Variants in ATP11A observed in about 807,000 individuals in gnomAD.
The protein encoded by ATP11A is phospholipid-transporting ATPase IH.
In ATP11A, 81 loss-of-function variants were observed where a neutral mutation model predicts 154.4. The ratio of observed to expected loss-of-function variants is 0.52; its 90% CI spans 0.44 to 0.63. The LOEUF (loss-of-function observed/expected upper bound fraction) is 0.63, where lower values mean the gene tolerates loss of function less well. Among genes scored for constraint, ATP11A ranks in the 30% least tolerant of loss-of-function variants. ATP11A has a pLI of 0.00. For synonymous variants in ATP11A, 623 were observed against 585.9 expected, an observed-to-expected ratio of 1.06 and a Z score of -0.91; for missense variants, 1,316 against 1,474.3, an observed-to-expected ratio of 0.89 and a Z score of 1.76.
chr13:112,758,187 A>G (rs2076885426), intron 1 of ATP11A, among the ~76,000 whole-genome samples: 1 of 151,728 alleles, frequency 6.6e-6, no homozygotes. Context: ...TCAACCTCCC[A>G]ACTAGCTGGG....
intron 29 of ATP11A, 52 bp from the exon 30 acceptor site, chr13:112,881,824 C>T (rs140702919): frequency 5.9e-6 from 8 of 1,367,432 alleles, no homozygotes; most frequent in East Asian, 4.5e-5. Context: ...AGAATGGGTG[C>T]GCACAGCCTC....
intron 19 of ATP11A, among the ~76,000 whole-genome samples, chr13:112,855,299 T>A (rs1312750890): frequency 1.3e-5 from 2 of 152,176 alleles, no homozygotes; most frequent in Non-Finnish European, 2.9e-5. Context: ...CCTCCCAGGT[T>A]CAAACAATTC....
At chr13:112,821,746 TCTTC>T (rs1468284477) in intron 8 of ATP11A, among the ~76,000 whole-genome samples, 1 of 152,270 alleles carries the variant, frequency 6.6e-6, no homozygotes, top group Admixed American at 6.5e-5. Flanking sequence ...TGACGTTTCT[TCTTC>T]CTTCTGTCCT....
rs142101040 is a variant in ATP11A, at chr13:112,830,606, T to C, written c.1222-769T>C. Among the ~76,000 whole-genome samples the C allele has an allele frequency of 5.7e-3, 870 of 152,288 alleles. 8 individuals are homozygous for C. The highest frequency in any genetic ancestry group is 0.02 in the African/African-American group (820 of 41,556). ...AAATAAATAAAAATAAAAATGCTTT[T>C]GGGATTGAAAAGCGTTTATTCTAAG... On this transcript the variant is annotated intron_variant, in intron 12 of 29. Coordinates refer to ENST00000375645, the MANE Select transcript of ATP11A (RefSeq NM_015205.3).
At chr13:112,776,986 G>T (rs1045196322) in intron 1 of ATP11A, among the ~76,000 whole-genome samples, 1 of 152,186 alleles carries the variant, frequency 6.6e-6, no homozygotes, top group Non-Finnish European at 1.5e-5. Context: ...GTGTCGCATC[G>T]TAGATCTTCT....
intron 1 of ATP11A, among the ~76,000 whole-genome samples, chr13:112,716,401 G>A (rs1368046647): frequency 6.6e-6 from 1 of 152,004 alleles, no homozygotes; most frequent in East Asian, 1.9e-4. Flanking sequence ...TTCACTTCAC[G>A]TGGCCCAGAC....
At position 112,743,710 on chromosome 13, in the gene ATP11A, AT is replaced by A. The variant is rs1224911491; in HGVS notation, c.40-41424del. 2.0e-5 allele frequency among the ~76,000 whole-genome samples: 3 copies of A among 152,234 alleles called. No homozygotes were observed. In the East Asian group the frequency reaches 5.8e-4, roughly 29 times the overall value. ...CTGCTAGAGTTGACGGCTTAGGCAG[AT>A]GTAGGTTCCTTTGAGCTCAGGAATG... On this transcript the variant is annotated intron_variant, in intron 1 of 29. Coordinates refer to ENST00000375645, the MANE Select transcript of ATP11A (RefSeq NM_015205.3).
At chr13:112,700,138 T>C (rs1372839998) in intron 1 of ATP11A, among the ~76,000 whole-genome samples, 2 of 151,286 alleles carry the variant, frequency 1.3e-5, no homozygotes, top group Non-Finnish European at 2.9e-5. Context: ...GTTTGTTACA[T>C]GTGAAAAAAA....
intron 16 of ATP11A, among the ~76,000 whole-genome samples, chr13:112,837,998 C>T (rs914737138): frequency 3.3e-5 from 5 of 152,090 alleles, no homozygotes; most frequent in Admixed American, 1.3e-4. Flanking sequence ...CACAGCATCA[C>T]CTCTGAGACA....
intron 1 of ATP11A, among the ~76,000 whole-genome samples, chr13:112,756,885 A>G (rs28575972): frequency 8.2e-4 from 107 of 130,634 alleles, no homozygotes; most frequent in African/African-American, 2.6e-3. Context: ...TGCTCCCAGC[A>G]CGGGGCCTGC....
At chr13:112,770,710 T>C in intron 1 of ATP11A, among the ~76,000 whole-genome samples, 1 of 152,180 alleles carries the variant, frequency 6.6e-6, no homozygotes, top group Non-Finnish European at 1.5e-5. Context: ...GGGGCCAGGG[T>C]GCCCCTGGGA....
chr13:112,878,311 T>C lies in ATP11A; in HGVS notation c.*9+8T>C. ...AGTTTCTGATGGAACAAGGTGATGC[T>C]CCTCTGCCTTCCACGCACCTGGGAT... On this transcript the variant is annotated splice_region_variant and intron_variant, in intron 29 of 29. Coordinates refer to ENST00000375645, the MANE Select transcript of ATP11A (RefSeq NM_015205.3). 1 of 1,613,536 alleles carries C rather than the reference T, an allele frequency of 6.2e-7. No individual in the cohort carries two copies. The highest frequency in any genetic ancestry group is 8.5e-7 in the Non-Finnish European group (1 of 1,179,796).
intron 1 of ATP11A, among the ~76,000 whole-genome samples, chr13:112,755,304 C>T (rs2076794635): frequency 6.6e-6 from 1 of 152,136 alleles, no homozygotes; most frequent in Non-Finnish European, 1.5e-5. Context: ...TTCTGCTTTC[C>T]ATTGCACAGT....
At chr13:112,817,664 G>A (rs539411553) in intron 6 of ATP11A, among the ~76,000 whole-genome samples, 2 of 152,334 alleles carry the variant, frequency 1.3e-5, no homozygotes, top group East Asian at 1.9e-4. Context: ...TCCCAGCCAT[G>A]CTAGTGAACA....
rs540652786 is a variant in ATP11A, at chr13:112,872,095, T to A, written c.3057+295T>A. ...TGAAAGAATTCAGGCTAGAATTGTTTTCAGTGGCAAGTAGCCCTCCCCCCA... is the reference window on the plus strand; with the variant it reads ...TGAAAGAATTCAGGCTAGAATTGTTATCAGTGGCAAGTAGCCCTCCCCCCA... On this transcript the variant is annotated intron_variant, in intron 26 of 29. Coordinates refer to ENST00000375645, the MANE Select transcript of ATP11A (RefSeq NM_015205.3). Among the ~76,000 whole-genome samples the A allele has an allele frequency of 2.0e-5, 3 of 152,364 alleles. No homozygotes were observed. The South Asian group carries it at 6.2e-4, about 32-fold the overall frequency.
chr13:112,845,837 A>ACTAAGCAGTCCAGTTGCCGGCACTAGCG lies in ATP11A; in HGVS notation c.1809+3458_1809+3459insCTAAGCAGTCCAGTTGCCGGCACTAGCG, dbSNP rs1566565127. ...AACCAGTCCAGTTGCCGGCACTAGC[A>ACTAAGCAGTCCAGTTGCCGGCACTAGCG]GTACTAACCAGTCCAGTTGCCGGCA... On this transcript the variant is annotated intron_variant, in intron 17 of 29. Transcript: ENST00000375645. Among the ~76,000 whole-genome samples, 37 of 122,730 alleles carry ACTAAGCAGTCCAGTTGCCGGCACTAGCG rather than the reference A, an allele frequency of 3.0e-4. 3 individuals carry two copies. The East Asian group carries it at 5.6e-3, about 19-fold the overall frequency. 80.5% of individuals were successfully genotyped at this position (122,730 alleles called of 152,430 possible). A position where few individuals can be genotyped will look rare whatever the true frequency, so the allele number is the denominator to read the frequency against.
chr13:112,882,402 C>T lies in ATP11A; in HGVS notation c.*536C>T, dbSNP rs2080907331. 2.5e-6 allele frequency: 1 copy of T among 402,392 alleles called. No individual in the cohort carries two copies. The highest frequency in any genetic ancestry group is 5.1e-5 in the East Asian group (1 of 19,446). 24.9% of individuals were successfully genotyped at this position (402,392 alleles called of 1,614,324 possible). A position where few individuals can be genotyped will look rare whatever the true frequency, so the allele number is the denominator to read the frequency against. On this transcript the variant is annotated 3_prime_UTR_variant, in exon 30 of 30. Coordinates refer to ENST00000375645, the MANE Select transcript of ATP11A (RefSeq NM_015205.3). The surrounding 1 kb of genome is among the most constrained non-coding windows in gnomAD (Gnocchi z 5.1). ...GGATGCCACATGCTGCTGTTTCCTGCTTGCCCGGCCACCACCCATGCCCTC... is the reference window on the plus strand; with the variant it reads ...GGATGCCACATGCTGCTGTTTCCTGTTTGCCCGGCCACCACCCATGCCCTC...
chr13:112,849,476 A>G (rs1760305415), intron 17 of ATP11A, among the ~76,000 whole-genome samples: 2 of 152,212 alleles, frequency 1.3e-5, no homozygotes, highest in Admixed American at 1.3e-4. Flanking sequence ...ACTCACAGCA[A>G]CCTAAGTTCT....
intron 23 of ATP11A, among the ~76,000 whole-genome samples, 181 bp from the exon 24 acceptor site, chr13:112,860,106 C>T (rs1425934859): frequency 6.6e-6 from 1 of 151,688 alleles, no homozygotes. Context: ...GGCTTTTTGC[C>T]AGCTGTGACT....
Sources: gnomAD v4.1 joint callset for allele counts (sites outside exome capture counted in the v4.1 genomes callset) on GRCh38, gnomAD v4.1.1 for gene constraint, Gnocchi (gnomAD v3.1) non-coding constraint, MANE v1.5 for transcripts, NCBI Gene and HGNC (gene_info 2026-07-23, HGNC 2026-07-21) for gene names.